TOX2: variants seen among roughly 807,000 people sequenced by gnomAD.
The protein encoded by TOX2 is TOX high mobility group box family member 2, also known as granulosa cell HMG box 1.
Under a neutral mutation model 47.4 loss-of-function variants are expected in TOX2, and 15 were observed. The ratio of observed to expected loss-of-function variants is 0.32; its 90% CI spans 0.21 to 0.49. The LOEUF is 0.49. TOX2 is among the 20% of genes least tolerant of loss of function. The pLI, the probability that TOX2 is intolerant of heterozygous loss-of-function variation, is 0.99. For missense variants in TOX2, 622 were observed against 673.1 expected, an observed-to-expected ratio of 0.92 and a Z score of 0.84; for synonymous variants, 290 against 296.6, an observed-to-expected ratio of 0.98 and a Z score of 0.23.
At position 43,915,353 on chromosome 20, in the gene TOX2, A is replaced by G. The variant is rs1352795860; in HGVS notation, c.99+363A>G. 1.3e-5 allele frequency among the ~76,000 whole-genome samples: 2 copies of G among 152,058 alleles called. No individual in the cohort carries two copies. Among genetic ancestry groups the G allele is most frequent in the Admixed American group, 6.6e-5 (1 of 15,264 alleles). On this transcript the variant is annotated intron_variant, in intron 1 of 8. Transcript: ENST00000341197. The surrounding 1 kb of genome is among the most constrained non-coding windows in gnomAD (Gnocchi z 7.1). ...CCCTGACAGTCACTTATACACAACG[A>G]CACGCAACCACTCACCCGCAAACAG...
intron 8 of TOX2, among the ~76,000 whole-genome samples, chr20:44,067,176 G>A (rs2071839268): frequency 1.3e-5 from 2 of 152,100 alleles, no homozygotes; most frequent in South Asian, 4.1e-4. Context: ...CAGTTCCCTA[G>A]AAGCAGAGCC....
At chr20:43,923,297 A>G (rs1279662339) in intron 1 of TOX2, among the ~76,000 whole-genome samples, 10 of 151,948 alleles carry the variant, frequency 6.6e-5, no homozygotes, top group East Asian at 5.8e-4. Context: ...GATTCTGACC[A>G]TCCTCAACGA....
intron 4 of TOX2, among the ~76,000 whole-genome samples, chr20:44,051,941 G>T (rs1005752230): frequency 1.3e-5 from 2 of 152,214 alleles, no homozygotes; most frequent in Non-Finnish European, 2.9e-5. Context: ...TCCAACAAAT[G>T]TTGAGGGGAT....
intron 2 of TOX2, among the ~76,000 whole-genome samples, chr20:43,979,658 G>C (rs2070138251): frequency 6.6e-6 from 1 of 151,958 alleles, no homozygotes. Flanking sequence ...GGATATATAA[G>C]GAGCTCAAAT....
At chr20:43,981,008 C>A (rs969040459) in intron 2 of TOX2, among the ~76,000 whole-genome samples, 2 of 151,748 alleles carry the variant, frequency 1.3e-5, no homozygotes, top group Non-Finnish European at 2.9e-5. Flanking sequence ...AGTTCAAAAC[C>A]CTGGTAGAAA....
chr20:44,006,208 T>G (rs1420391546), intron 2 of TOX2, among the ~76,000 whole-genome samples: 2 of 152,076 alleles, frequency 1.3e-5, no homozygotes, highest in African/African-American at 2.4e-5. Flanking sequence ...TCTCTATCTG[T>G]GAAATGGGTG....
In TOX2 at chr20:43,974,315, C is replaced by G. The variant is rs184560170; in HGVS notation, c.165+883C>G. On this transcript the variant is annotated intron_variant, in intron 2 of 8. Transcript: ENST00000341197. ...GAAGGCTGGGGCCCCAGGGAGGGTC[C>G]TCACTGCAGGCGGGGGCCCCAGGGA... is the stretch of plus-strand genomic sequence containing the variant. Among the ~76,000 whole-genome samples the G allele has an allele frequency of 2.0e-5, 3 of 152,152 alleles. No homozygotes were observed. In the East Asian group the frequency reaches 5.8e-4, roughly 30 times the overall value.
intron 5 of TOX2, among the ~76,000 whole-genome samples, chr20:44,059,948 T>G (rs766937612): frequency 6.6e-6 from 1 of 152,182 alleles, no homozygotes; most frequent in Non-Finnish European, 1.5e-5. Flanking sequence ...AATGCTCCAC[T>G]TAAAAATACA....
At chr20:44,048,388 TTATATATA>T (rs11472862) in intron 3 of TOX2, among the ~76,000 whole-genome samples, 1 of 86,872 alleles carries the variant, frequency 1.2e-5, no homozygotes, top group African/African-American at 4.5e-5. Context: ...TAAAATGAAT[TTATATATA>T]TATATATATA....
intron 3 of TOX2, 57 bp from the exon 4 acceptor site, chr20:44,051,249 T>C (rs2071503382): frequency 6.5e-7 from 1 of 1,544,626 alleles, no homozygotes; most frequent in African/African-American, 1.4e-5. Context: ...AGCACAGATG[T>C]GATGGAGTGG....
intron 1 of TOX2, among the ~76,000 whole-genome samples, chr20:43,922,806 C>T (rs1205591307): frequency 6.6e-6 from 1 of 152,146 alleles, no homozygotes; most frequent in East Asian, 1.9e-4. Context: ...CTGTTTACTG[C>T]TGGGTTTCTC....
At chr20:44,022,735 C>CT (rs2070995601) in intron 3 of TOX2, among the ~76,000 whole-genome samples, 1 of 152,316 alleles carries the variant, frequency 6.6e-6, no homozygotes, top group East Asian at 1.9e-4. Context: ...GCCCTGGCAT[C>CT]TCCCCTATAC....
Position 43,916,157 on chromosome 20 carries a change from G to A in TOX2, c.99+1167G>A. The A allele has an allele frequency of 1.0e-6, 1 of 985,532 alleles. No homozygotes were observed. The highest frequency in any genetic ancestry group is 4.7e-5 in the South Asian group (1 of 21,294). The allele number at this position is 985,532 out of a possible 1,614,324, so 61.0% of individuals were successfully genotyped here. On this transcript the variant is annotated intron_variant, in intron 1 of 8. Transcript: ENST00000341197. The surrounding 1 kb of genome is among the most constrained non-coding windows in gnomAD (Gnocchi z 5.0). ...TCGGAGCCCGGATTGAACAGCGCGC[G>A]TGGGTTTCCCGCAGCCCTGGCGCAG...
chr20:43,983,057 C>T (rs868133189), intron 2 of TOX2, among the ~76,000 whole-genome samples: 2 of 151,908 alleles, frequency 1.3e-5, no homozygotes, highest in Non-Finnish European at 2.9e-5. Context: ...CTCTGGGGTG[C>T]GGTGTGTGCC....
intron 3 of TOX2, among the ~76,000 whole-genome samples, chr20:44,027,349 C>T (rs896541906): frequency 4.6e-5 from 7 of 152,174 alleles, no homozygotes; most frequent in Admixed American, 2.0e-4. Flanking sequence ...CCCCGTCATG[C>T]GGAGGTCCCA....
At chr20:43,963,814 A>G (rs2069803338) in intron 1 of TOX2, among the ~76,000 whole-genome samples, 1 of 152,186 alleles carries the variant, frequency 6.6e-6, no homozygotes, top group Non-Finnish European at 1.5e-5. Flanking sequence ...TTTATTTCAA[A>G]TTACATACAG....
At chr20:43,967,284 A>C (rs1354030811) in intron 1 of TOX2, among the ~76,000 whole-genome samples, 2 of 152,146 alleles carry the variant, frequency 1.3e-5, no homozygotes, top group Non-Finnish European at 2.9e-5. Context: ...GGAGATAGGG[A>C]GAAAACTATA....
rs117502794 is a variant in TOX2, at chr20:44,021,133, G to A, written c.411+14341G>A. Among the ~76,000 whole-genome samples, 561 of 152,282 alleles carry A rather than the reference G, an allele frequency of 3.7e-3. 3 individuals carry two copies. Among genetic ancestry groups the A allele is most frequent in the Non-Finnish European group, 6.2e-3 (420 of 68,024 alleles). On this transcript the variant is annotated intron_variant, in intron 3 of 8. Transcript: ENST00000341197. ...AACAAAATGCAACAGGGAAAAGAAA[G>A]GGGGCCTAGGACAGGGGAGGTATCA...
chr20:43,975,997 C>T (rs774360269), intron 2 of TOX2, among the ~76,000 whole-genome samples: 8 of 152,206 alleles, frequency 5.3e-5, no homozygotes, highest in Non-Finnish European at 1.0e-4. Context: ...TGCTGTGACC[C>T]AGAGGGTCTC....
Sources: gnomAD v4.1 joint callset for allele counts (sites outside exome capture counted in the v4.1 genomes callset) on GRCh38, gnomAD v4.1.1 for gene constraint, Gnocchi (gnomAD v3.1) non-coding constraint, MANE v1.5 for transcripts, NCBI Gene and HGNC (gene_info 2026-07-23, HGNC 2026-07-21) for gene names.